The following ARID1B variants were observed in gnomAD, a reference collection of about 807,000 sequenced individuals.
ARID1B encodes AT-rich interaction domain 1B.
Under a neutral mutation model 212.3 loss-of-function variants are expected in ARID1B, and 30 were observed. That is an observed-to-expected ratio of 0.14 (90% CI 0.11 to 0.19). The LOEUF (loss-of-function observed/expected upper bound fraction) is 0.19. Among genes scored for constraint, ARID1B ranks in the 10% least tolerant of loss-of-function variants. ARID1B has a pLI of 1.00. For synonymous variants in ARID1B, 1,402 were observed against 1,301.7 expected (o/e 1.08, Z -1.66); for missense variants, 2,891 against 3,204.0 (o/e 0.90, Z 2.36).
chr6:157,039,842 C>T (rs993237740), intron 4 of ARID1B, among the ~76,000 whole-genome samples: 2 of 98,608 alleles, frequency 2.0e-5, no homozygotes, highest in African/African-American at 9.9e-5. Context: ...CTTTCTTTCT[C>T]TCTCTTTCTC....
At chr6:157,127,936 T>G (rs1788253921) in intron 6 of ARID1B, among the ~76,000 whole-genome samples, 1 of 145,768 alleles carries the variant, frequency 6.9e-6, no homozygotes, top group African/African-American at 2.6e-5. Flanking sequence ...CACTCCAGCC[T>G]AGGCGACAGA....
chr6:157,103,766 T>C (rs1049021815), intron 5 of ARID1B, among the ~76,000 whole-genome samples: 1 of 151,534 alleles, frequency 6.6e-6, no homozygotes, highest in Admixed American at 6.6e-5. Flanking sequence ...AACAGTACAT[T>C]AAGAAAATAA....
intron 1 of ARID1B, among the ~76,000 whole-genome samples, chr6:156,800,296 T>C (rs1156809836): frequency 6.6e-6 from 1 of 152,178 alleles, no homozygotes; most frequent in African/African-American, 2.4e-5. Flanking sequence ...AAATTAAAAT[T>C]AATTAAAATT....
At chr6:156,889,559 A>G (rs1371779764) in intron 2 of ARID1B, among the ~76,000 whole-genome samples, 1 of 152,226 alleles carries the variant, frequency 6.6e-6, no homozygotes, top group Non-Finnish European at 1.5e-5. Context: ...ACCTGGAAAG[A>G]AAGGTGAAAA....
intron 6 of ARID1B, among the ~76,000 whole-genome samples, chr6:157,124,088 C>T (rs1291035131): frequency 6.6e-6 from 1 of 152,256 alleles, no homozygotes; most frequent in East Asian, 1.9e-4. Context: ...TTGCTGTCAG[C>T]TATCAGTTGT....
intron 4 of ARID1B, among the ~76,000 whole-genome samples, chr6:157,053,329 G>A (rs1782729558): frequency 6.6e-6 from 1 of 152,066 alleles, no homozygotes; most frequent in South Asian, 2.1e-4. Context: ...CAGGCAATCT[G>A]CCCACCTCAG....
chr6:157,062,227 C>A (rs1783386351), intron 4 of ARID1B, among the ~76,000 whole-genome samples: 1 of 151,144 alleles, frequency 6.6e-6, no homozygotes, highest in South Asian at 2.1e-4. Flanking sequence ...AGAGACAGAG[C>A]CTCCCTCTGT....
chr6:157,098,002 A>G (rs1321475525), intron 5 of ARID1B, among the ~76,000 whole-genome samples: 2 of 152,334 alleles, frequency 1.3e-5, no homozygotes, highest in East Asian at 3.9e-4. Context: ...TTAGACGATG[A>G]ATACAAGTCT....
intron 1 of ARID1B, among the ~76,000 whole-genome samples, chr6:156,790,949 TAA>T (rs1157583367): frequency 1.3e-5 from 2 of 152,364 alleles, no homozygotes; most frequent in Non-Finnish European, 1.5e-5. Flanking sequence ...TATTATGCAT[TAA>T]GTTTCTGTAA....
chr6:156,939,497 GT>G (rs1792504314), intron 4 of ARID1B: 1 of 151,958 alleles, frequency 6.6e-6, no homozygotes, highest in Non-Finnish European at 1.5e-5. Context: ...TATTTATTAT[GT>G]CCTATTCAGT....
intron 6 of ARID1B, among the ~76,000 whole-genome samples, chr6:157,122,622 A>G (rs1479987006): frequency 6.6e-6 from 1 of 152,212 alleles, no homozygotes; most frequent in East Asian, 1.9e-4. Context: ...AGAACCTGCC[A>G]GGGCACCATT....
intron 4 of ARID1B, among the ~76,000 whole-genome samples, chr6:157,065,066 T>C (rs2128415906): frequency 6.6e-6 from 1 of 152,340 alleles, no homozygotes; most frequent in Non-Finnish European, 1.5e-5. Flanking sequence ...AGTAAGGAAG[T>C]AGTGTTTAAG....
chr6:156,985,257 A>T (rs895051413), intron 4 of ARID1B: 1 of 152,186 alleles, frequency 6.6e-6, no homozygotes, highest in South Asian at 2.1e-4. Flanking sequence ...GAAATTGATA[A>T]TACTTTTTGG....
At chr6:157,027,276 A>T (rs1780720757) in intron 4 of ARID1B, among the ~76,000 whole-genome samples, 1 of 152,254 alleles carries the variant, frequency 6.6e-6, no homozygotes, top group Admixed American at 6.5e-5. Flanking sequence ...AAATTTCAGT[A>T]TACCTAATCT....
At chr6:156,974,455 G>A (rs1777107784) in intron 4 of ARID1B, among the ~76,000 whole-genome samples, 1 of 152,096 alleles carries the variant, frequency 6.6e-6, no homozygotes, top group Admixed American at 6.5e-5. Context: ...TAGAGGTAAA[G>A]AGGAAACTGT....
At chr6:157,029,463 T>C (rs1168738272) in intron 4 of ARID1B, among the ~76,000 whole-genome samples, 3 of 152,242 alleles carry the variant, frequency 2.0e-5, no homozygotes, top group Non-Finnish European at 4.4e-5. Flanking sequence ...TCTGGCACTC[T>C]TCCAGGTAAG....
chr6:157,096,287 T>C (rs2128485588), intron 5 of ARID1B, among the ~76,000 whole-genome samples: 1 of 152,310 alleles, frequency 6.6e-6, no homozygotes, highest in East Asian at 1.9e-4. Flanking sequence ...AGTAGCGCTA[T>C]TCAGTAAACA....
intron 6 of ARID1B, among the ~76,000 whole-genome samples, chr6:157,128,213 A>G (rs1788273093): frequency 1.3e-5 from 2 of 152,226 alleles, no homozygotes; most frequent in East Asian, 1.9e-4. Context: ...GCAATATTCA[A>G]TAACCTTTAA....
intron 4 of ARID1B, among the ~76,000 whole-genome samples, chr6:157,002,202 T>G (rs945828701): frequency 1.1e-4 from 16 of 152,348 alleles, no homozygotes; most frequent in Admixed American, 1.0e-3. Flanking sequence ...ACTTGATATC[T>G]TGAGATAAAT....
Sources: gnomAD v4.1 joint callset for allele counts (sites outside exome capture counted in the v4.1 genomes callset) on GRCh38, gnomAD v4.1.1 for gene constraint, MANE v1.5 for transcripts, NCBI Gene and HGNC (gene_info 2026-07-23, HGNC 2026-07-21) for gene names.